HPSE2: variants seen among roughly 807,000 people sequenced by gnomAD.
HPSE2 encodes heparanase 2 (inactive), also known as inactive heparanase-2.
A neutral mutation model predicts 60.5 loss-of-function variants in HPSE2; 38 were observed. That is an observed-to-expected ratio of 0.63 (90% CI 0.48 to 0.82). The LOEUF is 0.82. Ranked by LOEUF, HPSE2 falls within the 40% of genes least tolerant of loss-of-function variation. The pLI is 0.00. For synonymous variants in HPSE2, 295 were observed against 293.2 expected (o/e 1.01, Z -0.06); for missense variants, 713 against 740.4 (o/e 0.96, Z 0.43).
At position 98,898,601 on chromosome 10, in the gene HPSE2, GA is replaced by G. The variant is rs571807338; in HGVS notation, c.611-154546del. Among the ~76,000 whole-genome samples the G allele has an allele frequency of 1.2e-4, 18 of 152,242 alleles. No individual in the cohort carries two copies. In the South Asian group the frequency reaches 1.2e-3, roughly 11 times the overall value. ...AAGGGATGGTTGAATAGACAGTAGA[GA>G]TTTTTTTTAGGGTGATGAAACTATT... On this transcript the variant is annotated intron_variant, in intron 3 of 11. Transcript: ENST00000370552.
chr10:98,778,789 T>C (rs1950403937), intron 3 of HPSE2, among the ~76,000 whole-genome samples: 1 of 152,206 alleles, frequency 6.6e-6, no homozygotes, highest in African/African-American at 2.4e-5. Flanking sequence ...ATCTCCAATG[T>C]TCATTTGCTC....
chr10:98,630,433 A>C (rs1454404975), intron 7 of HPSE2, among the ~76,000 whole-genome samples: 1 of 151,860 alleles, frequency 6.6e-6, no homozygotes, highest in Non-Finnish European at 1.5e-5. Flanking sequence ...TCCTGACCTC[A>C]TGATCCGCCC....
At chr10:99,294,093 G>A in the HPSE2 span, among the ~76,000 whole-genome samples, 1 of 152,074 alleles carries the variant, frequency 6.6e-6, no homozygotes, top group African/African-American at 2.4e-5. Flanking sequence ...TCAGGTGAAT[G>A]CGGCAGTAGT....
chr10:98,499,081 G>C (rs1274229042), intron 9 of HPSE2, among the ~76,000 whole-genome samples: 1 of 152,144 alleles, frequency 6.6e-6, no homozygotes, highest in Non-Finnish European at 1.5e-5. Context: ...ACATATTTGG[G>C]GGAATAATCG....
chr10:99,314,518 C>T, the HPSE2 span, among the ~76,000 whole-genome samples: 1 of 152,150 alleles, frequency 6.6e-6, no homozygotes, highest in African/African-American at 2.4e-5. Context: ...AATGCTATTA[C>T]ACACTTAATA....
chr10:99,208,515 TC>T (rs1848839978), intron 2 of HPSE2, among the ~76,000 whole-genome samples: 1 of 151,820 alleles, frequency 6.6e-6, no homozygotes, highest in African/African-American at 2.4e-5. Context: ...CAAAACCCCA[TC>T]TCTGCAAAAA....
At chr10:99,194,591 A>G (rs1835141615) in intron 2 of HPSE2, among the ~76,000 whole-genome samples, 2 of 151,914 alleles carry the variant, frequency 1.3e-5, no homozygotes, top group African/African-American at 2.4e-5. Flanking sequence ...GATATTGCAG[A>G]AATTCAAAAG....
At chr10:99,314,442 C>A in the HPSE2 span, among the ~76,000 whole-genome samples, 2 of 152,234 alleles carry the variant, frequency 1.3e-5, no homozygotes, top group African/African-American at 4.8e-5. Flanking sequence ...GGATTAAAGG[C>A]ATAAGCCACT....
At chr10:99,237,789 G>A (rs1043925771), upstream of HPSE2, among the ~76,000 whole-genome samples, 1 of 152,126 alleles carries the variant, frequency 6.6e-6, no homozygotes, top group Non-Finnish European at 1.5e-5. Flanking sequence ...CGAAATTCTT[G>A]TAATTTTTAA....
intron 11 of HPSE2, 29 bp from the exon 12 acceptor site, chr10:98,459,768 C>T (rs1564893880): frequency 6.3e-7 from 1 of 1,591,998 alleles, no homozygotes; most frequent in South Asian, 1.1e-5. Flanking sequence ...GTATGGGACT[C>T]ATTATTGCAT....
At chr10:99,241,650 CA>C in the HPSE2 span, among the ~76,000 whole-genome samples, 1 of 152,008 alleles carries the variant, frequency 6.6e-6, no homozygotes, top group Non-Finnish European at 1.5e-5. Flanking sequence ...CCAACCTACT[CA>C]GGAGATTGAG....
intron 9 of HPSE2, among the ~76,000 whole-genome samples, chr10:98,524,186 G>A (rs994125643): frequency 2.0e-5 from 3 of 152,256 alleles, no homozygotes; most frequent in Middle Eastern, 3.4e-3. Flanking sequence ...TCTTTGAACC[G>A]CTGCTTTGTA....
intron 3 of HPSE2, among the ~76,000 whole-genome samples, chr10:98,987,157 T>A (rs1038827027): frequency 9.2e-5 from 14 of 151,774 alleles, no homozygotes; most frequent in Non-Finnish European, 2.1e-4. Flanking sequence ...GCCAGCATCA[T>A]CCTGATACCA....
intron 7 of HPSE2, among the ~76,000 whole-genome samples, chr10:98,628,210 A>G (rs1032180654): frequency 3.3e-5 from 5 of 152,202 alleles, no homozygotes; most frequent in Non-Finnish European, 5.9e-5. Context: ...CCATGAGCAG[A>G]GAAGAGCATG....
At chr10:99,179,108 T>G (rs1286268455) in intron 2 of HPSE2, among the ~76,000 whole-genome samples, 1 of 152,168 alleles carries the variant, frequency 6.6e-6, no homozygotes, top group African/African-American at 2.4e-5. Context: ...TGGGTATTGA[T>G]CGAATGCATC....
chr10:98,647,973 T>C (rs1453139005), intron 6 of HPSE2, among the ~76,000 whole-genome samples: 2 of 152,148 alleles, frequency 1.3e-5, no homozygotes. Context: ...GTTTGTACTG[T>C]GGAAAAATGT....
chr10:99,115,774 T>G (rs1366739864), intron 3 of HPSE2, among the ~76,000 whole-genome samples: 1 of 152,220 alleles, frequency 6.6e-6, no homozygotes, highest in Non-Finnish European at 1.5e-5. Flanking sequence ...TATTCACTTA[T>G]GTGATGGTTT....
chr10:99,190,822 G>A (rs1848194849), intron 2 of HPSE2, among the ~76,000 whole-genome samples: 2 of 152,144 alleles, frequency 1.3e-5, no homozygotes, highest in African/African-American at 4.8e-5. Context: ...GCAGGCTCCT[G>A]GGAGTCCCCA....
chr10:98,858,545 AC>A (rs1456113816), intron 3 of HPSE2, among the ~76,000 whole-genome samples: 1 of 152,204 alleles, frequency 6.6e-6, no homozygotes, highest in Non-Finnish European at 1.5e-5. Flanking sequence ...TGGAGAAGGA[AC>A]AGTGGGCCTG....
Sources: allele counts gnomAD v4.1 joint callset (sites outside exome capture counted in the v4.1 genomes callset), GRCh38; gene constraint gnomAD v4.1.1; transcripts MANE v1.5; gene names NCBI Gene and HGNC (gene_info 2026-07-23, HGNC 2026-07-21).